CACNA1C: variants seen among roughly 807,000 people sequenced by gnomAD.
CACNA1C encodes calcium voltage-gated channel subunit alpha1 C.
In CACNA1C, 30 loss-of-function variants were observed where a neutral mutation model predicts 229.0. The observed-to-expected ratio is 0.13, with a 90% CI of 0.10 to 0.18. The LOEUF is 0.18. Ranked by LOEUF, CACNA1C falls within the 10% of genes least tolerant of loss-of-function variation. The pLI, the probability that CACNA1C is intolerant of heterozygous loss-of-function variation, is 1.00. For missense variants in CACNA1C, 1,658 were observed against 2,845.0 expected (o/e 0.58, Z 9.49); for synonymous variants, 1,114 against 1,132.5 (o/e 0.98, Z 0.33).
At chr12:1,975,197 T>C (rs2033939401) in intron 1 of CACNA1C, among the ~76,000 whole-genome samples, 1 of 152,170 alleles carries the variant, frequency 6.6e-6, no homozygotes, top group Admixed American at 6.5e-5. Context: ...AAAAGACTCT[T>C]TCCAAAAACC....
intron 45 of CACNA1C, among the ~76,000 whole-genome samples, chr12:2,687,030 T>C (rs1386198567): frequency 6.6e-6 from 1 of 152,242 alleles, no homozygotes; most frequent in African/African-American, 2.4e-5. Flanking sequence ...TCAAAAGTCA[T>C]AATCAGCATG....
At chr12:2,253,097 G>A (rs987661161) in intron 3 of CACNA1C, among the ~76,000 whole-genome samples, 1 of 152,144 alleles carries the variant, frequency 6.6e-6, no homozygotes, top group African/African-American at 2.4e-5. Flanking sequence ...TATCTGACTG[G>A]TGAGTTTGGT....
At chr12:2,289,234 A>T (rs2093156834) in intron 3 of CACNA1C, among the ~76,000 whole-genome samples, 1 of 152,200 alleles carries the variant, frequency 6.6e-6, no homozygotes, top group Non-Finnish European at 1.5e-5. Context: ...AAAAAGGAGC[A>T]GGTGGGAAAA....
chr12:2,404,462 A>G (rs1381079643), intron 3 of CACNA1C, among the ~76,000 whole-genome samples: 1 of 152,166 alleles, frequency 6.6e-6, no homozygotes, highest in Non-Finnish European at 1.5e-5. Context: ...TGTACTTACA[A>G]TCAGTATTGT....
chr12:2,139,554 G>A (rs1489189786), intron 3 of CACNA1C, among the ~76,000 whole-genome samples: 1 of 151,128 alleles, frequency 6.6e-6, no homozygotes, highest in Non-Finnish European at 1.5e-5. Context: ...TTTCTTGAAG[G>A]AAGGTGTGCT....
rs2057977934 is a variant in CACNA1C, at chr12:2,575,244, G to A, written c.1896-6346G>A. Reference sequence around the variant, plus strand: ...AATGGTCTTCCCAGCCTGCTAGAATGGACGGGAGCAGGGGCAGGTACCAGT... The same window carrying A: ...AATGGTCTTCCCAGCCTGCTAGAATAGACGGGAGCAGGGGCAGGTACCAGT... On this transcript the variant is annotated intron_variant, in intron 13 of 46. Coordinates refer to ENST00000399655, the MANE Select transcript of CACNA1C (RefSeq NM_000719.7). This position sits in a 1 kb window ranked among gnomAD's most constrained non-coding sequence, Gnocchi z 4.0. 6.6e-6 allele frequency among the ~76,000 whole-genome samples: 1 copy of A among 152,226 alleles called. No homozygotes were observed.
At position 2,158,526 on chromosome 12, in the gene CACNA1C, CAAAG is replaced by C. The variant is rs534347982; in HGVS notation, c.477+38100_477+38103del. ...TGGGCGATGGAGCAAGACTCTGTCT[CAAAG>C]AAAAAAAAAGTTTCTAGAAAGAAGA... On this transcript the variant is annotated intron_variant, in intron 3 of 46. Coordinates refer to ENST00000399655, the MANE Select transcript of CACNA1C (RefSeq NM_000719.7). Among the ~76,000 whole-genome samples the C allele has an allele frequency of 3.3e-4, 50 of 150,588 alleles. 1 individual carries two copies. In the South Asian group the frequency reaches 0.01, roughly 31 times the overall value.
In CACNA1C at chr12:2,550,033, C is replaced by T. The variant is rs762879256; in HGVS notation, c.1481C>T (p.Ala494Val). The change falls in exon 10 of 47, where the codon GCC becomes GTC. Residue 494 changes from alanine (A) to valine (V), a missense_variant and splice_region_variant. Ala to Val is a moderately conservative substitution (Grantham distance 64, BLOSUM62 0). This residue lies in a region of CACNA1C where 149 missense variants were observed against 194.2 expected (regional missense o/e 0.77). Coordinates refer to ENST00000399655, the MANE Select transcript of CACNA1C (RefSeq NM_000719.7). ...IEGENCGARL[A>V]HRISKSKFSR... ...GGAGAAAACTGCGGGGCCAGGCTGG[C>T]GTGAGTAGGCACGGCGAGCCCAGGG... The T allele has an allele frequency of 3.9e-5, 62 of 1,597,324 alleles. No individual in the cohort carries two copies. The highest frequency in any genetic ancestry group is 5.0e-5 in the Non-Finnish European group (58 of 1,170,688).
At chr12:2,619,796 T>G (rs1294789793) in intron 29 of CACNA1C, among the ~76,000 whole-genome samples, 1 of 152,098 alleles carries the variant, frequency 6.6e-6, no homozygotes, top group Non-Finnish European at 1.5e-5. Flanking sequence ...CCAAAATATT[T>G]TGTTGAGCAG....
intron 3 of CACNA1C, among the ~76,000 whole-genome samples, chr12:2,209,557 C>T (rs2097857882): frequency 6.6e-6 from 1 of 152,226 alleles, no homozygotes; most frequent in South Asian, 2.1e-4. Context: ...CGCCCTATTA[C>T]CAGTTGTTTA....
chr12:2,447,161 C>T (rs1251623465), intron 3 of CACNA1C, among the ~76,000 whole-genome samples: 1 of 152,186 alleles, frequency 6.6e-6, no homozygotes, highest in Non-Finnish European at 1.5e-5. Flanking sequence ...TTCCCCTGTG[C>T]TGTGTTGTCT....
chr12:2,063,574 G>A (rs1594780551), intron 1 of CACNA1C, among the ~76,000 whole-genome samples: 1 of 152,220 alleles, frequency 6.6e-6, no homozygotes, highest in Admixed American at 6.5e-5. Flanking sequence ...TTGAAAGGAA[G>A]CACGTGAAAT....
At chr12:2,497,311 G>A (rs1253269558) in intron 7 of CACNA1C, among the ~76,000 whole-genome samples, 2 of 152,170 alleles carry the variant, frequency 1.3e-5, no homozygotes, top group Admixed American at 1.3e-4. Flanking sequence ...TCTTTTCAGT[G>A]CTGACTTTGT....
At chr12:2,397,102 A>G (rs955373477) in intron 3 of CACNA1C, among the ~76,000 whole-genome samples, 1 of 152,240 alleles carries the variant, frequency 6.6e-6, no homozygotes, top group Admixed American at 6.5e-5. Context: ...TATGTACAAC[A>G]TTGTGCTTAG....
intron 3 of CACNA1C, among the ~76,000 whole-genome samples, chr12:2,357,612 T>G (rs2097413204): frequency 6.9e-6 from 1 of 143,928 alleles, no homozygotes; most frequent in Admixed American, 7.1e-5. Flanking sequence ...AACCAAAGGG[T>G]GGAGAAGGGC....
chr12:2,484,327 G>A (rs1457309766), intron 5 of CACNA1C, among the ~76,000 whole-genome samples: 1 of 152,166 alleles, frequency 6.6e-6, no homozygotes, highest in Admixed American at 6.5e-5. Context: ...CCCTGTGGTG[G>A]GAGGAACAGT....
At chr12:2,010,183 C>G (rs1411573612) in intron 1 of CACNA1C, among the ~76,000 whole-genome samples, 2 of 152,192 alleles carry the variant, frequency 1.3e-5, no homozygotes, top group African/African-American at 4.8e-5. Context: ...CAGGGCAGCA[C>G]ATTCCCAATA....
chr12:2,551,178 G>A lies in CACNA1C; in HGVS notation c.1481+1145G>A, dbSNP rs546782383. Among the ~76,000 whole-genome samples the A allele has an allele frequency of 7.2e-5, 11 of 152,196 alleles. No individual in the cohort carries two copies. The East Asian group carries it at 9.7e-4, about 13-fold the overall frequency. On this transcript the variant is annotated intron_variant, in intron 10 of 46. Transcript: ENST00000399655. ...CTTTCTGTTGTCTTGCCACCAAGAC[G>A]AGGCTTAGAGAGATGATCAAAGGCC...
chr12:1,977,847 C>T (rs576260709), intron 1 of CACNA1C, among the ~76,000 whole-genome samples: 3 of 152,234 alleles, frequency 2.0e-5, no homozygotes, highest in Admixed American at 2.0e-4. Context: ...TGGGTATATA[C>T]AGGTACACTT....
Sources: gnomAD v4.1 joint callset for allele counts (sites outside exome capture counted in the v4.1 genomes callset) on GRCh38, gnomAD v4.1.1 for gene constraint, gnomAD v4.1.1 regional missense constraint, Gnocchi (gnomAD v3.1) non-coding constraint, MANE v1.5 for transcripts, NCBI Gene and HGNC (gene_info 2026-07-23, HGNC 2026-07-21) for gene names.